The following SLC9A9 variants were observed in gnomAD, a reference collection of about 807,000 sequenced individuals.
SLC9A9 encodes solute carrier family 9 member A9.
A neutral mutation model predicts 77.8 loss-of-function variants in SLC9A9; 62 were observed. The ratio of observed to expected loss-of-function variants is 0.80; its 90% confidence interval spans 0.65 to 0.98. The LOEUF (loss-of-function observed/expected upper bound fraction) is 0.98. SLC9A9 is among the 50% of genes least tolerant of loss of function. The pLI is 0.00. For missense variants in SLC9A9, 775 were observed against 774.9 expected, an observed-to-expected ratio of 1.00 and a Z score of 0.00; for synonymous variants, 320 against 283.5, an observed-to-expected ratio of 1.13 and a Z score of -1.29.
rs114462659 is a variant in SLC9A9 at position 143,454,966 on chromosome 3, G to A, written c.1469+12071C>T. Among the ~76,000 whole-genome samples the A allele has an allele frequency of 3.6e-3, 543 of 152,254 alleles. 10 individuals carry two copies. The highest frequency in any genetic ancestry group is 0.012 in the African/African-American group (509 of 41,548). On this transcript the variant is annotated intron_variant, in intron 12 of 15. Transcript: ENST00000316549. ...AGAGAAAACTCTCTTCTTATAAAAA[G>A]GTTCATGTGATTAAGTCAGCCTCAC...
intron 2 of SLC9A9, among the ~76,000 whole-genome samples, chr3:143,816,877 C>T (rs2009031893): frequency 6.6e-6 from 1 of 152,114 alleles, no homozygotes; most frequent in Non-Finnish European, 1.5e-5. Context: ...TGATCATTAT[C>T]TTAAAGTTTT....
chr3:143,751,024 A>T (rs112191314), intron 4 of SLC9A9, among the ~76,000 whole-genome samples: 47 of 152,284 alleles, frequency 3.1e-4, no homozygotes, highest in African/African-American at 1.1e-3. Flanking sequence ...CAGCTGGCAG[A>T]ACCAGTTTTC....
At chr3:143,693,507 T>C (rs1224223684) in intron 4 of SLC9A9, among the ~76,000 whole-genome samples, 200 bp from the exon 5 acceptor site, 3 of 152,154 alleles carry the variant, frequency 2.0e-5, no homozygotes, top group African/African-American at 7.2e-5. Context: ...AATATCACAA[T>C]TTATTCACTT....
chr3:143,595,941 T>G (rs998209), intron 6 of SLC9A9, among the ~76,000 whole-genome samples: 1 of 151,910 alleles, frequency 6.6e-6, no homozygotes, highest in Non-Finnish European at 1.5e-5. Context: ...GTAAAAAAAA[T>G]TAAAATAATC....
chr3:143,497,022 A>G (rs945674777), intron 9 of SLC9A9, among the ~76,000 whole-genome samples: 2 of 152,076 alleles, frequency 1.3e-5, no homozygotes, highest in African/African-American at 4.8e-5. Flanking sequence ...CACTAATCCA[A>G]TTTCTAAGGG....
chr3:143,597,982 T>C (rs929831853), intron 6 of SLC9A9, among the ~76,000 whole-genome samples: 7 of 152,278 alleles, frequency 4.6e-5, no homozygotes, highest in Middle Eastern at 6.8e-3. Context: ...AGAATCGCAG[T>C]ATCGAGAGCT....
At chr3:143,765,465 T>C (rs2007284620) in intron 4 of SLC9A9, among the ~76,000 whole-genome samples, 1 of 152,196 alleles carries the variant, frequency 6.6e-6, no homozygotes, top group Non-Finnish European at 1.5e-5. Flanking sequence ...TGCTGCTCAA[T>C]AGGCTGTTTA....
chr3:143,485,684 GT>G (rs2035643038), intron 11 of SLC9A9, among the ~76,000 whole-genome samples: 1 of 152,036 alleles, frequency 6.6e-6, no homozygotes, highest in Non-Finnish European at 1.5e-5. Flanking sequence ...CAAATGTCAA[GT>G]TTTTAACAAA....
At chr3:143,415,840 C>G (rs927079896) in intron 12 of SLC9A9, among the ~76,000 whole-genome samples, 2 of 152,148 alleles carry the variant, frequency 1.3e-5, no homozygotes, top group African/African-American at 4.8e-5. Context: ...TTGAAGATTC[C>G]TCTATCTCTA....
intron 11 of SLC9A9, among the ~76,000 whole-genome samples, chr3:143,487,945 CA>C (rs1251061402): frequency 1.3e-5 from 2 of 151,072 alleles, no homozygotes; most frequent in Non-Finnish European, 3.0e-5. Flanking sequence ...ATAAATGAAA[CA>C]AAAAATGTTT....
intron 11 of SLC9A9, among the ~76,000 whole-genome samples, chr3:143,481,366 G>A (rs572431701): frequency 1.3e-5 from 2 of 152,326 alleles, no homozygotes; most frequent in Admixed American, 1.3e-4. Flanking sequence ...AAGTGAGTGA[G>A]GGTGGGTGGA....
At chr3:143,563,520 C>T (rs2037120920) in intron 8 of SLC9A9, among the ~76,000 whole-genome samples, 1 of 152,122 alleles carries the variant, frequency 6.6e-6, no homozygotes. Flanking sequence ...AATTTAAATG[C>T]ATTGCCTCGT....
intron 12 of SLC9A9, among the ~76,000 whole-genome samples, chr3:143,450,163 A>G (rs1269064071): frequency 7.6e-6 from 1 of 131,620 alleles, no homozygotes; most frequent in African/African-American, 2.8e-5. Flanking sequence ...ATTATATAAT[A>G]TACATATTTA....
At chr3:143,551,039 C>T (rs1318585794) in intron 9 of SLC9A9, among the ~76,000 whole-genome samples, 1 of 152,120 alleles carries the variant, frequency 6.6e-6, no homozygotes, top group Non-Finnish European at 1.5e-5. Context: ...AGTATGGTAG[C>T]CCCTAACTCA....
In SLC9A9 at chr3:143,467,159, A is replaced by G; in HGVS notation, c.1347T>C (p.Ala449=). The change falls in exon 12 of 16, where the codon GCT becomes GCC. Residue 449 remains alanine (A), a synonymous_variant. Coordinates refer to ENST00000316549, the MANE Select transcript of SLC9A9 (RefSeq NM_173653.4). The part of the protein sequence containing the change: ...GLRGAIAFAL[A]IRNTESQPKQ... ...TGGGCTGAGATTCTGTGTTCCGAATAGCTAAGGCAAATGCGATCGCTCCTC... is the reference window on the plus strand; with the variant it reads ...TGGGCTGAGATTCTGTGTTCCGAATGGCTAAGGCAAATGCGATCGCTCCTC... 6.2e-7 allele frequency: 1 copy of G among 1,614,232 alleles called. No homozygotes were observed. Among genetic ancestry groups the G allele is most frequent in the Non-Finnish European group, 8.5e-7 (1 of 1,180,032 alleles).
intron 14 of SLC9A9, among the ~76,000 whole-genome samples, chr3:143,303,357 TTTTTCTTTTTC>T (rs1273571271): frequency 1.1e-3 from 163 of 151,132 alleles, no homozygotes; most frequent in African/African-American, 3.6e-3. Context: ...CAGGTGGGTT[TTTTTCTTTTTC>T]TTTTCTTTTT....
At chr3:143,573,512 A>G (rs978442747) in intron 8 of SLC9A9, among the ~76,000 whole-genome samples, 2 of 152,114 alleles carry the variant, frequency 1.3e-5, no homozygotes, top group African/African-American at 4.8e-5. Context: ...GGGTCTAACG[A>G]ACTGCCCCCT....
chr3:143,588,486 C>T (rs2037593197), intron 6 of SLC9A9, among the ~76,000 whole-genome samples: 1 of 152,196 alleles, frequency 6.6e-6, no homozygotes, highest in Admixed American at 6.5e-5. Context: ...TCCTAAGTGG[C>T]TCTGGTCCAT....
At chr3:143,660,798 C>T (rs961825109) in intron 5 of SLC9A9, among the ~76,000 whole-genome samples, 1 of 152,148 alleles carries the variant, frequency 6.6e-6, no homozygotes, top group Non-Finnish European at 1.5e-5. Flanking sequence ...CTCTCCCTCC[C>T]CTTATCCCAC....
Sources: gnomAD v4.1 joint callset for allele counts (sites outside exome capture counted in the v4.1 genomes callset) on GRCh38, gnomAD v4.1.1 for gene constraint, MANE v1.5 for transcripts, NCBI Gene and HGNC (gene_info 2026-07-23, HGNC 2026-07-21) for gene names.